ATM: variants seen among roughly 807,000 people sequenced by gnomAD.
ATM encodes serine-protein kinase ATM.
Under a neutral mutation model 387.0 loss-of-function variants are expected in ATM, and 308 were observed. That is an observed-to-expected ratio of 0.80 (90% CI 0.73 to 0.87). ATM has a LOEUF of 0.87. Ranked by LOEUF, ATM falls within the 40% of genes least tolerant of loss-of-function variation. The probability of loss-of-function intolerance (pLI) is 0.00; values close to 1 mark genes in which losing one functional copy is unlikely to be tolerated. For missense variants in ATM, 3,312 were observed against 3,560.9 expected, an observed-to-expected ratio of 0.93 and a Z score of 1.78; for synonymous variants, 1,156 against 1,187.3, an observed-to-expected ratio of 0.97 and a Z score of 0.54.
rs4987918 is a variant in ATM at position 108,244,745 on chromosome 11, T to A, written c.663-43T>A. 961 of 1,444,364 alleles carry A rather than the reference T, an allele frequency of 6.7e-4. 5 individuals are homozygous for A. The South Asian group carries it at 0.01, about 15-fold the overall frequency. 89.5% of individuals were successfully genotyped at this position (1,444,364 alleles called of 1,614,324 possible). A position where few individuals can be genotyped will look rare whatever the true frequency, so the allele number is the denominator to read the frequency against. The stretch of plus-strand genomic sequence containing the variant: ...ATAACTGTTCAGTTTGTACAGTTTG[T>A]TCCCCCTGTTATACCCAGTTGAGCT... On this transcript the variant is annotated intron_variant, in intron 6 of 62. Transcript: ENST00000675843.
chr11:108,251,532 T>C (rs570627946), intron 10 of ATM, among the ~76,000 whole-genome samples: 4 of 152,352 alleles, frequency 2.6e-5, no homozygotes. Context: ...CAGGTCTTAT[T>C]CCTTCTAATT....
chr11:108,333,413 C>G (rs897205546), intron 53 of ATM, among the ~76,000 whole-genome samples: 2 of 152,138 alleles, frequency 1.3e-5, no homozygotes, highest in Non-Finnish European at 2.9e-5. Context: ...TTCTAAGTAT[C>G]TCCCCATACT....
intron 5 of ATM, among the ~76,000 whole-genome samples, chr11:108,240,010 G>A (rs538208685): frequency 9.0e-4 from 137 of 152,228 alleles, no homozygotes; most frequent in Admixed American, 3.5e-3. Context: ...AAAACGGAGT[G>A]GAAAGTCCAC....
At chr11:108,325,248 AGTT>A in intron 45 of ATM, 59 bp from the exon 46 acceptor site, 1 of 907,832 alleles carries the variant, frequency 1.1e-6, no homozygotes, top group Non-Finnish European at 1.6e-6. Flanking sequence ...GAACTTACAT[AGTT>A]TTTTTTTTTT....
At chr11:108,283,788 T>C (rs1385893489) in intron 25 of ATM, among the ~76,000 whole-genome samples, 1 of 152,236 alleles carries the variant, frequency 6.6e-6, no homozygotes, top group Non-Finnish European at 1.5e-5. Context: ...ATACAGACTT[T>C]CACATCCTGT....
intron 59 of ATM, among the ~76,000 whole-genome samples, chr11:108,348,934 T>G (rs950441376): frequency 6.6e-6 from 1 of 152,098 alleles, no homozygotes; most frequent in Admixed American, 6.5e-5. Flanking sequence ...TCATCACTAT[T>G]ATCCCCCTGC....
intron 40 of ATM, 76 bp from the exon 41 acceptor site, chr11:108,315,747 A>G: frequency 1.8e-6 from 2 of 1,088,022 alleles, no homozygotes; most frequent in Non-Finnish European, 2.8e-6. Context: ...ATTGGTAATG[A>G]TACAATTTAA....
At chr11:108,354,084 C>CACAT (rs1400091239) in intron 60 of ATM, among the ~76,000 whole-genome samples, 5 of 150,860 alleles carry the variant, frequency 3.3e-5, no homozygotes, top group African/African-American at 7.4e-5. Flanking sequence ...CACACACACA[C>CACAT]ACACACACAC....
In ATM at chr11:108,347,332, G is replaced by T. The variant is rs771930635; in HGVS notation, c.8638G>T (p.Glu2880Ter). 3 of 1,611,038 alleles carry T rather than the reference G, an allele frequency of 1.9e-6. No individual in the cohort carries two copies. In the South Asian group the frequency reaches 3.3e-5, roughly 18 times the overall value. ...ACATGTACAGAATATCTTGATAAAT[G>T]AGCAGTCAGCAGAACTTGTACATAT... Reference protein sequence around the residue: ...DRHVQNILINEQSAELVHIDL... With the variant: ...DRHVQNILIN Residue 2880 changes from glutamate (E) to a stop codon, truncating the protein, a stop_gained, in exon 59 of 63, where the codon GAG becomes TAG. Transcript: ENST00000675843. LOFTEE classifies it high-confidence loss of function.
chr11:108,289,888 C>G lies in ATM; in HGVS notation c.4436+87C>G, dbSNP rs2082691900. The G allele has an allele frequency of 3.8e-6, 5 of 1,309,472 alleles. No homozygotes were observed. The East Asian group carries it at 1.2e-4, about 32-fold the overall frequency. 81.1% of individuals were successfully genotyped at this position (1,309,472 alleles called of 1,614,324 possible). On this transcript the variant is annotated intron_variant, in intron 29 of 62. Transcript: ENST00000675843. ...TGCTTTGTTTTGTTTTGTTTTGAGA[C>G]AAAGACTCACTCTGTCCGCCCAGGC... is the stretch of plus-strand genomic sequence containing the variant.
Position 108,271,126 on chromosome 11 carries a change from T to C in ATM, c.2901T>C (p.Leu967=), listed in dbSNP as rs778731866. The C allele has an allele frequency of 1.9e-6, 3 of 1,614,144 alleles. No homozygotes were observed. The highest frequency in any genetic ancestry group is 2.5e-6 in the Non-Finnish European group (3 of 1,180,004). Residue 967 remains leucine, a synonymous_variant, in exon 19 of 63, where the codon CTT becomes CTC. Transcript: ENST00000675843. ...EEYPLPMEDV[L]ELLKPLSNVC... ...ACCCCTTGCCAATGGAAGATGTTCT[T>C]GAACTTCTGAAACCACTATCGTAAG...
At chr11:108,263,256 G>A (rs1447497302) in intron 16 of ATM, among the ~76,000 whole-genome samples, 8 of 139,090 alleles carry the variant, frequency 5.8e-5, no homozygotes, top group Non-Finnish European at 1.2e-4. Flanking sequence ...CTCAGCAAAT[G>A]TAAAAGAACA....
At chr11:108,352,324 A>G (rs1044697271) in intron 59 of ATM, among the ~76,000 whole-genome samples, 2 of 152,242 alleles carry the variant, frequency 1.3e-5, no homozygotes, top group Admixed American at 6.5e-5. Context: ...GTCTCAGTAT[A>G]GAAGTAGATA....
chr11:108,258,937 A>T (rs771014099), intron 15 of ATM, 49 bp from the exon 16 acceptor site: 1 of 1,466,290 alleles, frequency 6.8e-7, no homozygotes, highest in East Asian at 2.3e-5. Context: ...GCCAAGAATA[A>T]TTGTTTTTAT....
In ATM at chr11:108,311,293, C is replaced by T. The variant is rs76637316; in HGVS notation, c.5918+978C>T. On this transcript the variant is annotated intron_variant, in intron 39 of 62. Transcript: ENST00000675843. ...CCTGGTCCCAAATTGTTTTTTAAAGCGGTTATACCCATTTGTGTACAGAAA... is the reference window on the plus strand; with the variant it reads ...CCTGGTCCCAAATTGTTTTTTAAAGTGGTTATACCCATTTGTGTACAGAAA... Among the ~76,000 whole-genome samples, 1,145 of 152,102 alleles carry T rather than the reference C, an allele frequency of 7.5e-3. 8 individuals are homozygous for T. Among genetic ancestry groups the T allele is most frequent in the African/African-American group, 0.024 (1,010 of 41,456 alleles).
At chr11:108,331,049 G>T in intron 50 of ATM, 1 of 459,002 alleles carries the variant, frequency 2.2e-6, no homozygotes, top group Non-Finnish European at 3.0e-6. Context: ...AATCTCTGCT[G>T]TAGTATACAC....
chr11:108,348,864 A>T (rs1328435279), intron 59 of ATM, among the ~76,000 whole-genome samples: 1 of 152,222 alleles, frequency 6.6e-6, no homozygotes, highest in African/African-American at 2.4e-5. Context: ...AGATGCTAAG[A>T]ATCAGGATGA....
chr11:108,230,665 C>T (rs1054221134), intron 4 of ATM: 1 of 152,096 alleles, frequency 6.6e-6, no homozygotes, highest in East Asian at 1.9e-4. Flanking sequence ...CCTCTACTTA[C>T]AGGGAAGAGG....
At chr11:108,352,646 C>A (rs928760894) in intron 59 of ATM, among the ~76,000 whole-genome samples, 1 of 152,202 alleles carries the variant, frequency 6.6e-6, no homozygotes, top group African/African-American at 2.4e-5. Flanking sequence ...TAGCCAAGAA[C>A]CGGAAAAATC....
Sources: gnomAD v4.1 joint callset for allele counts (sites outside exome capture counted in the v4.1 genomes callset) on GRCh38, gnomAD v4.1.1 for gene constraint, MANE v1.5 for transcripts, NCBI Gene and HGNC (gene_info 2026-07-23, HGNC 2026-07-21) for gene names.